Variants in MYOF observed in about 807,000 individuals in gnomAD.
The protein encoded by MYOF is fer-1-like 3, myoferlin.
Under a neutral mutation model 284.2 loss-of-function variants are expected in MYOF, and 244 were observed. The observed-to-expected ratio is 0.86, with a 90% CI of 0.77 to 0.95. MYOF has a LOEUF of 0.95. Among genes scored for constraint, MYOF ranks in the 40% least tolerant of loss-of-function variants. The pLI, the probability that MYOF is intolerant of heterozygous loss-of-function variation, is 0.00. For missense variants in MYOF, 2,496 were observed against 2,560.6 expected (o/e 0.97, Z 0.54); for synonymous variants, 904 against 919.7 (o/e 0.98, Z 0.31).
intron 31 of MYOF, among the ~76,000 whole-genome samples, 154 bp downstream of exon 31, chr10:93,355,474 T>C (rs1844752763): frequency 6.6e-6 from 1 of 152,078 alleles, no homozygotes; most frequent in Admixed American, 6.5e-5. Context: ...TAGTCCCAGC[T>C]ACTCAGGAGG....
At position 93,479,275 on chromosome 10, in the gene MYOF, G is replaced by A. The variant is rs115190038; in HGVS notation, c.88+2832C>T. 3.2e-3 allele frequency among the ~76,000 whole-genome samples: 494 copies of A among 152,030 alleles called. 3 individuals carry two copies. Among genetic ancestry groups the A allele is most frequent in the African/African-American group, 0.011 (467 of 41,438 alleles). On this transcript the variant is annotated intron_variant, in intron 1 of 53. Transcript: ENST00000359263. ...CCTGCCTCAGCCTCCTGAGTAGCTGGGACTACAGGCATGGTAGGGCTTTTT... is the reference window on the plus strand; with the variant it reads ...CCTGCCTCAGCCTCCTGAGTAGCTGAGACTACAGGCATGGTAGGGCTTTTT...
chr10:93,388,982 T>A, intron 18 of MYOF, 48 bp downstream of exon 18: 1 of 1,582,504 alleles, frequency 6.3e-7, no homozygotes, highest in South Asian at 1.2e-5. Flanking sequence ...GAAGAAATAA[T>A]CACCTTAACC....
intron 17 of MYOF, among the ~76,000 whole-genome samples, chr10:93,390,173 A>T (rs1269572912): frequency 2.6e-5 from 4 of 152,216 alleles, no homozygotes; most frequent in Non-Finnish European, 5.9e-5. Flanking sequence ...GGAGAAAGAT[A>T]AATGTGGAGC....
intron 43 of MYOF, among the ~76,000 whole-genome samples, chr10:93,331,321 G>A (rs1408762027): frequency 1.3e-5 from 2 of 151,212 alleles, no homozygotes; most frequent in African/African-American, 4.8e-5. Flanking sequence ...CTGCAGAGCC[G>A]GCATCTCCTT....
chr10:93,458,403 T>A (rs372682051), intron 1 of MYOF, among the ~76,000 whole-genome samples: 23 of 151,988 alleles, frequency 1.5e-4, no homozygotes, highest in African/African-American at 4.8e-4. Context: ...TCATCCCCCT[T>A]TCACAGCTAA....
At chr10:93,406,288 T>TATATATATA (rs1554855592) in intron 7 of MYOF, among the ~76,000 whole-genome samples, 1 of 58,128 alleles carries the variant, frequency 1.7e-5, no homozygotes, top group Non-Finnish European at 4.3e-5. Flanking sequence ...TAAACCTCTT[T>TATATATATA]TATATATATA....
At position 93,379,859 on chromosome 10, in the gene MYOF, T is replaced by G; in HGVS notation, c.2001+4A>C. On this transcript the variant is annotated splice_donor_region_variant and intron_variant, in intron 21 of 53. Transcript: ENST00000359263. The stretch of plus-strand genomic sequence containing the variant: ...AAAGGAAATGCAGAAAAAGAGAAAC[T>G]TACCAGCCGTTCTGCCATAGCTAGG... 2 of 1,613,324 alleles carry G rather than the reference T, an allele frequency of 1.2e-6. No homozygotes were observed. The highest frequency in any genetic ancestry group is 8.5e-7 in the Non-Finnish European group (1 of 1,179,436).
At chr10:93,404,250 GTT>G (rs1847441564) in intron 7 of MYOF, 31 bp from the exon 8 acceptor site, 1 of 1,608,972 alleles carries the variant, frequency 6.2e-7, no homozygotes, top group African/African-American at 1.3e-5. Context: ...ATGTTTAAAT[GTT>G]AACAGGGGAT....
At chr10:93,380,106 G>A (rs1215520573) in intron 20 of MYOF, 119 bp from the exon 21 acceptor site, 1 of 1,279,572 alleles carries the variant, frequency 7.8e-7, no homozygotes, top group Admixed American at 2.3e-5. Context: ...ATAGCTTGAG[G>A]TGGTCTGGTT....
chr10:93,433,765 G>C lies in MYOF; in HGVS notation c.237-2249C>G, dbSNP rs551103732. Among the ~76,000 whole-genome samples the C allele has an allele frequency of 2.0e-5, 3 of 152,316 alleles. No individual in the cohort carries two copies. The East Asian group carries it at 5.8e-4, about 29-fold the overall frequency. On this transcript the variant is annotated intron_variant, in intron 3 of 53. Transcript: ENST00000359263. ...ATTAGAAAGTAAAAGTTGTTTCTCA[G>C]AGGTGCTCCGGGTACGCCACATGGC... is the stretch of plus-strand genomic sequence containing the variant.
At chr10:93,406,660 G>A (rs762173375) in intron 7 of MYOF, among the ~76,000 whole-genome samples, 3 of 151,714 alleles carry the variant, frequency 2.0e-5, no homozygotes, top group Non-Finnish European at 4.4e-5. Context: ...TACCTCTCAT[G>A]AGAATGTGTA....
intron 37 of MYOF, among the ~76,000 whole-genome samples, chr10:93,346,105 CTTG>C (rs1844173023): frequency 6.6e-6 from 1 of 152,214 alleles, no homozygotes; most frequent in Non-Finnish European, 1.5e-5. Flanking sequence ...TACAACAATC[CTTG>C]TTGTTATCAA....
chr10:93,316,977 C>T (rs1222804582), intron 49 of MYOF, among the ~76,000 whole-genome samples, 164 bp from the exon 50 acceptor site: 3 of 151,384 alleles, frequency 2.0e-5, no homozygotes, highest in Non-Finnish European at 4.4e-5. Flanking sequence ...AGTCAGGCTC[C>T]CCAGGAAATC....
At chr10:93,479,430 A>G (rs79421826) in intron 1 of MYOF, among the ~76,000 whole-genome samples, 26,206 of 151,940 alleles carry the variant, frequency 0.17, 2,573 homozygotes, top group East Asian at 0.51. Flanking sequence ...ACTTAATTTT[A>G]CGCAGTGCTC....
At chr10:93,466,515 C>A (rs973212229) in intron 1 of MYOF, among the ~76,000 whole-genome samples, 2 of 152,164 alleles carry the variant, frequency 1.3e-5, no homozygotes, top group African/African-American at 4.8e-5. Context: ...TTGAATGACT[C>A]AGCCAGAATC....
chr10:93,372,855 A>T, intron 24 of MYOF, 75 bp downstream of exon 24: 1 of 1,537,548 alleles, frequency 6.5e-7, no homozygotes, highest in Non-Finnish European at 8.9e-7. Context: ...TTTGCAAATG[A>T]TATAAAGCAG....
rs767297923 is a variant in MYOF at position 93,351,802 on chromosome 10, C to T, written c.3526G>A (p.Glu1176Lys). The T allele has an allele frequency of 1.3e-6, 2 of 1,590,386 alleles. No homozygotes were observed. The highest frequency in any genetic ancestry group is 1.2e-5 in the South Asian group (1 of 86,096). Residue 1176 changes from glutamate to lysine, a missense_variant, in exon 33 of 54, where the codon GAG (glutamate) becomes AAG (lysine). Around this residue, in one of 3 missense-constraint regions of MYOF, gnomAD observed 2,436 missense variants for 2,480.7 expected, o/e 0.98. Transcript: ENST00000359263. ...ICFLHRSKTT[E>K]IIHSTLNPTW... ...GGATTCAGGGTTGAATGGATGATCT[C>T]AGTGGTTTTGCTCCGATGGAGGAAA...
intron 3 of MYOF, 45 bp from the exon 4 acceptor site, chr10:93,431,561 A>G: frequency 6.7e-7 from 1 of 1,488,644 alleles, no homozygotes; most frequent in African/African-American, 1.4e-5. Context: ...AGTAGGAGAT[A>G]GGCTTCCAAT....
chr10:93,335,924 A>G lies in MYOF; in HGVS notation c.4560T>C (p.Phe1520=). The change falls in exon 41 of 54, where the codon TTT becomes TTC. Residue 1520 remains phenylalanine, a synonymous_variant. Transcript: ENST00000359263. ...GACCAACACACATCTTACTCACCTTAAACTCTCCAACCACAGAAGGATCTT... is the reference window on the plus strand; with the variant it reads ...GACCAACACACATCTTACTCACCTTGAACTCTCCAACCACAGAAGGATCTT... ...ENEDPSVVGE[F]KGSFRIYPLP... 1.2e-6 allele frequency: 2 copies of G among 1,614,104 alleles called. No homozygotes were observed. The highest frequency in any genetic ancestry group is 1.7e-6 in the Non-Finnish European group (2 of 1,179,994).
Sources: gnomAD v4.1 joint callset for allele counts (sites outside exome capture counted in the v4.1 genomes callset) on GRCh38, gnomAD v4.1.1 for gene constraint, gnomAD v4.1.1 regional missense constraint, MANE v1.5 for transcripts, NCBI Gene and HGNC (gene_info 2026-07-23, HGNC 2026-07-21) for gene names.